Variants in HIVEP3 observed in about 807,000 individuals in gnomAD.
The protein encoded by HIVEP3 is HIVEP zinc finger 3.
HIVEP3 carries 49 observed loss-of-function variants against 152.8 expected under a neutral mutation model. The ratio of observed to expected loss-of-function variants is 0.32; its 90% CI spans 0.26 to 0.41. The LOEUF is 0.41. HIVEP3 is among the 10% of genes least tolerant of loss of function. The pLI is 1.00. For synonymous variants in HIVEP3, 1,269 were observed against 1,289.0 expected (o/e 0.98, Z 0.33); for missense variants, 2,790 against 3,103.3 (o/e 0.90, Z 2.40).
intron 5 of HIVEP3, among the ~76,000 whole-genome samples, chr1:41,531,876 A>G: frequency 9.7e-6 from 1 of 103,082 alleles, no homozygotes; most frequent in East Asian, 3.8e-4. Flanking sequence ...GACAGGAGAG[A>G]TGGAGGACAG....
intron 1 of HIVEP3, among the ~76,000 whole-genome samples, chr1:41,812,772 C>A (rs1558291621): frequency 6.6e-6 from 1 of 151,296 alleles, no homozygotes. Flanking sequence ...CTGTGAAAAA[C>A]AGAGTGTCCC....
chr1:41,568,485 G>A (rs1471587024), intron 5 of HIVEP3, among the ~76,000 whole-genome samples: 1 of 152,244 alleles, frequency 6.6e-6, no homozygotes, highest in African/African-American at 2.4e-5. Context: ...GGGCTTCGGG[G>A]GACACGGCGT....
intron 1 of HIVEP3, among the ~76,000 whole-genome samples, chr1:41,907,635 C>G (rs1216208478): frequency 1.3e-5 from 2 of 152,218 alleles, no homozygotes; most frequent in Non-Finnish European, 2.9e-5. Flanking sequence ...CTGTGCCCCA[C>G]CACTAGTAGG....
chr1:41,570,485 CGAA>C (rs773227467), intron 5 of HIVEP3, among the ~76,000 whole-genome samples: 1 of 152,086 alleles, frequency 6.6e-6, no homozygotes, highest in Non-Finnish European at 1.5e-5. Context: ...TGCCACCTTG[CGAA>C]GAAGGTGCCT....
intron 1 of HIVEP3, among the ~76,000 whole-genome samples, chr1:41,959,727 A>C (rs1645159228): frequency 6.6e-6 from 1 of 152,280 alleles, no homozygotes; most frequent in Non-Finnish European, 1.5e-5. Flanking sequence ...CCCACTCTTT[A>C]TTACTCCCAG....
rs1644464470 is a variant in HIVEP3 at position 41,584,022 on chromosome 1, T to C, written c.776A>G (p.Tyr259Cys). The C allele has an allele frequency of 1.6e-5, 26 of 1,614,172 alleles. No homozygotes were observed. Among genetic ancestry groups the C allele is most frequent in the Non-Finnish European group, 2.2e-5 (26 of 1,180,020 alleles). ...CCGCTCCATCTCCAGCCCATGTGGG[T>C]ACATCTCGCCACCCATGCCTGAGGC... ...GLASGMGGEM[Y>C]PHGLEMERIP... Residue 259 changes from tyrosine (Y) to cysteine (C), a missense_variant, in exon 4 of 9, where the codon TAC becomes TGC. Around this residue, in one of 9 missense-constraint regions of HIVEP3, gnomAD observed 125 missense variants for 130.1 expected, o/e 0.96. Transcript: ENST00000372583. This position sits in a 1 kb window ranked among gnomAD's most constrained non-coding sequence, Gnocchi z 5.2.
intron 2 of HIVEP3, among the ~76,000 whole-genome samples, chr1:41,666,122 C>CGTGTGTGTGTGTGTGT (rs60976179): frequency 6.7e-6 from 1 of 149,716 alleles, no homozygotes; most frequent in Non-Finnish European, 1.5e-5. Context: ...GGTGTGTGTG[C>CGTGTGTGTGTGTGTGT]GTGTGTGTGT....
chr1:41,995,262 G>A (rs1256448542), intron 1 of HIVEP3, among the ~76,000 whole-genome samples: 1 of 152,176 alleles, frequency 6.6e-6, no homozygotes, highest in East Asian at 1.9e-4. Flanking sequence ...ACAGAAGTGA[G>A]GGGGAAAAGA....
intron 1 of HIVEP3, among the ~76,000 whole-genome samples, chr1:41,703,041 T>C (rs1448597246): frequency 6.6e-6 from 1 of 152,236 alleles, no homozygotes; most frequent in Non-Finnish European, 1.5e-5. Context: ...TTCCATCTGC[T>C]ACCTCATTTA....
intron 1 of HIVEP3, among the ~76,000 whole-genome samples, chr1:41,866,106 A>G (rs28694177): frequency 6.6e-6 from 1 of 152,236 alleles, no homozygotes; most frequent in African/African-American, 2.4e-5. Flanking sequence ...CACACCAGGC[A>G]GATCCACAGT....
intron 1 of HIVEP3, among the ~76,000 whole-genome samples, chr1:41,902,966 T>C (rs1409843049): frequency 6.6e-6 from 1 of 152,144 alleles, no homozygotes; most frequent in African/African-American, 2.4e-5. Context: ...TAAGAGAGTA[T>C]GGTGAGTATT....
chr1:41,719,095 G>A (rs571682810), intron 1 of HIVEP3, among the ~76,000 whole-genome samples: 4 of 152,366 alleles, frequency 2.6e-5, no homozygotes, highest in African/African-American at 9.6e-5. Flanking sequence ...GGCTCAGAGT[G>A]TGCTGCTGCA....
In HIVEP3 at chr1:41,637,728, G is replaced by A. The variant is rs563368437; in HGVS notation, c.-720-8781C>T. ...AGAATGGGTGGGGCTTGAAACATGC[G>A]TTCTTGTTTCTACATTTCCATACTG... On this transcript the variant is annotated intron_variant, in intron 2 of 8. Coordinates refer to ENST00000372583, the MANE Select transcript of HIVEP3 (RefSeq NM_024503.5). Among the ~76,000 whole-genome samples the A allele has an allele frequency of 9.2e-5, 14 of 152,326 alleles. No individual in the cohort carries two copies. The South Asian group carries it at 1.7e-3, about 18-fold the overall frequency.
At chr1:41,634,889 C>T (rs766134377) in intron 2 of HIVEP3, among the ~76,000 whole-genome samples, 1 of 152,048 alleles carries the variant, frequency 6.6e-6, no homozygotes, top group Non-Finnish European at 1.5e-5. Context: ...AAAGAAAGAA[C>T]AGGAAATGTC....
intron 1 of HIVEP3, among the ~76,000 whole-genome samples, chr1:41,792,432 C>G (rs954403734): frequency 3.9e-5 from 6 of 152,250 alleles, no homozygotes; most frequent in Admixed American, 2.6e-4. Context: ...AGGATGCTGA[C>G]TTCCTCCAGC....
intron 1 of HIVEP3, among the ~76,000 whole-genome samples, chr1:41,777,060 G>A (rs1041766052): frequency 6.6e-6 from 1 of 152,182 alleles, no homozygotes; most frequent in Non-Finnish European, 1.5e-5. Flanking sequence ...GTTACTCCCC[G>A]AGTCAACAGG....
Position 41,929,726 on chromosome 1 carries a change from T to TTATATATATATATATATATATA in HIVEP3, n.120-11224_120-11203dup, listed in dbSNP as rs55663663. ...TGTGTGAGTGTGTGTATATGTGTTTTTATATATATATATATATATATATAT... is the reference window on the plus strand; with the variant it reads ...TGTGTGAGTGTGTGTATATGTGTTTTTATATATATATATATATATATATATATATATATATATATATATATAT... On this transcript the variant is annotated intron_variant and non_coding_transcript_variant, in intron 1 of 3. Transcript: ENST00000489103. Among the ~76,000 whole-genome samples, 148 of 112,754 alleles carry TTATATATATATATATATATATA rather than the reference T, an allele frequency of 1.3e-3. 4 individuals are homozygous for TTATATATATATATATATATATA. Among genetic ancestry groups the TTATATATATATATATATATATA allele is most frequent in the Non-Finnish European group, 2.0e-3 (118 of 59,422 alleles). The allele number at this position is 112,754 out of a possible 152,430, so 74.0% of individuals were successfully genotyped here.
Position 41,506,881 on chromosome 1 carries a change from C to A in HIVEP3, c.*3570G>T, listed in dbSNP as rs894794213. The stretch of plus-strand genomic sequence containing the variant: ...GAGCATTGTATTTTACATTTGCCTG[C>A]ACGTTTCTTTTTTCTGTTTCTTTTC... On this transcript the variant is annotated 3_prime_UTR_variant, in exon 9 of 9. Transcript: ENST00000372583. The A allele has an allele frequency of 9.2e-6, 1 of 108,700 alleles. No homozygotes were observed. The highest frequency in any genetic ancestry group is 2.5e-5 in the African/African-American group (1 of 39,564). The allele number at this position is 108,700 out of a possible 1,614,324, so 6.7% of individuals were successfully genotyped here. A position where few individuals can be genotyped will look rare whatever the true frequency, so the allele number is the denominator to read the frequency against.
intron 5 of HIVEP3, among the ~76,000 whole-genome samples, chr1:41,560,466 A>G (rs1644042723): frequency 6.6e-6 from 1 of 151,964 alleles, no homozygotes; most frequent in African/African-American, 2.4e-5. Context: ...TTCATTTTAT[A>G]CTCCCAGCAC....
Sources: gnomAD v4.1 joint callset for allele counts (sites outside exome capture counted in the v4.1 genomes callset) on GRCh38, gnomAD v4.1.1 for gene constraint, gnomAD v4.1.1 regional missense constraint, Gnocchi (gnomAD v3.1) non-coding constraint, MANE v1.5 for transcripts, NCBI Gene and HGNC (gene_info 2026-07-23, HGNC 2026-07-21) for gene names.